FBXO42: variants seen among roughly 807,000 people sequenced by gnomAD.
FBXO42 encodes F-box protein 42.
A neutral mutation model predicts 71.7 loss-of-function variants in FBXO42; 12 were observed. The observed-to-expected ratio is 0.17, with a 90% confidence interval of 0.11 to 0.27. The LOEUF is 0.27. FBXO42 is among the 10% of genes least tolerant of loss of function. The pLI is 1.00. For synonymous variants in FBXO42, 325 were observed against 327.5 expected, an observed-to-expected ratio of 0.99 and a Z score of 0.08; for missense variants, 707 against 911.9, an observed-to-expected ratio of 0.78 and a Z score of 2.89.
At chr1:16,265,728 A>C (rs899293583) in intron 4 of FBXO42, among the ~76,000 whole-genome samples, 5 of 152,050 alleles carry the variant, frequency 3.3e-5, no homozygotes, top group African/African-American at 1.2e-4. Flanking sequence ...TATTTAATGA[A>C]AGAAGAGTTA....
At chr1:16,260,271 C>T (rs1335698663) in intron 4 of FBXO42, among the ~76,000 whole-genome samples, 2 of 148,542 alleles carry the variant, frequency 1.3e-5, no homozygotes, top group East Asian at 2.0e-4. Flanking sequence ...TGTAATGGCA[C>T]GATCTCGGCT....
intron 1 of FBXO42, among the ~76,000 whole-genome samples, chr1:16,327,307 A>G (rs1161331037): frequency 6.6e-6 from 1 of 152,252 alleles, no homozygotes; most frequent in Non-Finnish European, 1.5e-5. Context: ...TCTGTAAGAC[A>G]GTTCATCTTA....
chr1:16,272,062 G>A (rs943183820), intron 4 of FBXO42, among the ~76,000 whole-genome samples: 3 of 148,710 alleles, frequency 2.0e-5, no homozygotes, highest in Non-Finnish European at 4.5e-5. Flanking sequence ...GGCTAAGGCA[G>A]GAGAATTGCA....
chr1:16,348,594 G>A (rs139133915), intron 1 of FBXO42, among the ~76,000 whole-genome samples: 31 of 152,088 alleles, frequency 2.0e-4, no homozygotes, highest in African/African-American at 6.7e-4. Flanking sequence ...CCAGCTACTC[G>A]GGAGGCTGAG....
intron 4 of FBXO42, among the ~76,000 whole-genome samples, chr1:16,288,372 A>G (rs1446019196): frequency 6.6e-6 from 1 of 150,904 alleles, no homozygotes; most frequent in Non-Finnish European, 1.5e-5. Flanking sequence ...GGAGGTTGCA[A>G]TGAGCCCAGA....
chr1:16,262,724 G>T (rs967472467), intron 4 of FBXO42, among the ~76,000 whole-genome samples: 19 of 152,194 alleles, frequency 1.2e-4, no homozygotes, highest in African/African-American at 4.6e-4. Context: ...TTGAGACAGG[G>T]TCTCACTCCG....
In FBXO42 at chr1:16,251,417, A is replaced by C; in HGVS notation, c.1407T>G (p.Ser469=). The stretch of plus-strand genomic sequence containing the variant: ...TTTTCAGGTCGTATCCTTCAGGAGC[A>C]GATGGAGTACTTGGAGATATGGCCT... ...PVQAISPSTP[S]APEGYDLKIG... The change falls in exon 10 of 10, where the codon TCT becomes TCG. Residue 469 remains serine, a synonymous_variant. Transcript: ENST00000375592. The surrounding 1 kb of genome is among the most constrained non-coding windows in gnomAD (Gnocchi z 4.5). 6.2e-7 allele frequency: 1 copy of C among 1,614,154 alleles called. No homozygotes were observed. Among genetic ancestry groups the C allele is most frequent in the Non-Finnish European group, 8.5e-7 (1 of 1,179,976 alleles).
chr1:16,314,715 T>C (rs2082346113), intron 2 of FBXO42, among the ~76,000 whole-genome samples: 1 of 152,066 alleles, frequency 6.6e-6, no homozygotes, highest in African/African-American at 2.4e-5. Context: ...AAACCCCGTC[T>C]CTAGTAAAAA....
At chr1:16,323,182 G>C (rs1557601810) in intron 1 of FBXO42, among the ~76,000 whole-genome samples, 1 of 152,130 alleles carries the variant, frequency 6.6e-6, no homozygotes, top group Non-Finnish European at 1.5e-5. Context: ...ACTTTGGGAG[G>C]CCAAGGCGGA....
At chr1:16,274,826 G>A (rs912469869) in intron 4 of FBXO42, among the ~76,000 whole-genome samples, 12 of 151,758 alleles carry the variant, frequency 7.9e-5, no homozygotes, top group Admixed American at 7.2e-4. Flanking sequence ...TCCTGATCTC[G>A]TAATCTGCCC....
chr1:16,342,379 A>G (rs2082612525), intron 1 of FBXO42, among the ~76,000 whole-genome samples: 1 of 147,340 alleles, frequency 6.8e-6, no homozygotes, highest in African/African-American at 2.5e-5. Flanking sequence ...CTGGGCAAGA[A>G]GAGCGAAACT....
At chr1:16,289,826 C>T (rs1425777525) in intron 4 of FBXO42, among the ~76,000 whole-genome samples, 2 of 152,078 alleles carry the variant, frequency 1.3e-5, no homozygotes, top group Non-Finnish European at 2.9e-5. Context: ...CGCAGCTACT[C>T]AGGAGGCTAA....
chr1:16,298,901 G>A (rs2082160005), intron 3 of FBXO42, among the ~76,000 whole-genome samples: 1 of 152,148 alleles, frequency 6.6e-6, no homozygotes, highest in African/African-American at 2.4e-5. Context: ...AAGAGTCAAG[G>A]GTTTGTTACG....
intron 1 of FBXO42, among the ~76,000 whole-genome samples, chr1:16,317,437 T>C (rs1343226959): frequency 9.2e-6 from 1 of 108,524 alleles, no homozygotes; most frequent in Non-Finnish European, 2.1e-5. Flanking sequence ...CAAACAAAAA[T>C]CCAAAACTTA....
At chr1:16,283,500 T>TTTTTTTGTTTTG (rs1557583659) in intron 4 of FBXO42, among the ~76,000 whole-genome samples, 5 of 135,700 alleles carry the variant, frequency 3.7e-5, no homozygotes, top group South Asian at 2.5e-4. Flanking sequence ...GCAAGTTTTT[T>TTTTTTTGTTTTG]TTTTTTTTTT....
At chr1:16,303,884 T>C (rs936186392) in intron 3 of FBXO42, among the ~76,000 whole-genome samples, 3 of 152,148 alleles carry the variant, frequency 2.0e-5, no homozygotes, top group Admixed American at 2.0e-4. Flanking sequence ...TAGCTGCGAC[T>C]ACAGGCGCCC....
intron 1 of FBXO42, among the ~76,000 whole-genome samples, chr1:16,323,794 CAAAA>C (rs1158421632): frequency 3.2e-4 from 20 of 63,264 alleles, no homozygotes; most frequent in East Asian, 1.7e-3. Context: ...GACTCTGTCT[CAAAA>C]AAAAAAAAAA....
At chr1:16,346,394 T>C (rs2082654373) in intron 1 of FBXO42, among the ~76,000 whole-genome samples, 1 of 152,040 alleles carries the variant, frequency 6.6e-6, no homozygotes, top group Non-Finnish European at 1.5e-5. Flanking sequence ...TATTTATTAC[T>C]AGAAAATAAG....
At chr1:16,301,411 C>T (rs2082192878) in intron 3 of FBXO42, among the ~76,000 whole-genome samples, 1 of 151,864 alleles carries the variant, frequency 6.6e-6, no homozygotes, top group African/African-American at 2.4e-5. Context: ...ACCTGCAATC[C>T]CAGCACTTTG....
Sources: gnomAD v4.1 joint callset for allele counts (sites outside exome capture counted in the v4.1 genomes callset) on GRCh38, gnomAD v4.1.1 for gene constraint, Gnocchi (gnomAD v3.1) non-coding constraint, MANE v1.5 for transcripts, NCBI Gene and HGNC (gene_info 2026-07-23, HGNC 2026-07-21) for gene names.